The following TBCD variants were observed in gnomAD, a reference collection of about 807,000 sequenced individuals.
TBCD encodes the protein tubulin folding cofactor D.
Under a neutral mutation model 169.3 loss-of-function variants are expected in TBCD, and 105 were observed. That is an observed-to-expected ratio of 0.62 (90% CI 0.53 to 0.73). The LOEUF (loss-of-function observed/expected upper bound fraction) is 0.73. Ranked by LOEUF, TBCD falls within the 30% of genes least tolerant of loss-of-function variation. The probability of loss-of-function intolerance (pLI) is 0.00; values close to 1 mark genes in which losing one functional copy is unlikely to be tolerated. For missense variants in TBCD, 1,444 were observed against 1,600.1 expected (o/e 0.90, Z 1.66); for synonymous variants, 700 against 643.9 (o/e 1.09, Z -1.32).
intron 13 of TBCD, chr17:82,830,490 C>G: frequency 6.2e-7 from 1 of 1,613,222 alleles, no homozygotes; most frequent in South Asian, 1.1e-5. Flanking sequence ...TGGGTGGGGC[C>G]CCGTCACCGT....
intron 29 of TBCD, 26 bp downstream of exon 29, chr17:82,927,349 C>T (rs752809353): frequency 1.9e-6 from 3 of 1,607,450 alleles, no homozygotes; most frequent in African/African-American, 2.7e-5. Context: ...TGGGTGAGCG[C>T]TTCTTCTGAG....
chr17:82,812,648 C>T (rs1168873804), intron 12 of TBCD, among the ~76,000 whole-genome samples: 2 of 152,192 alleles, frequency 1.3e-5, no homozygotes, highest in Non-Finnish European at 2.9e-5. Flanking sequence ...GGGTTCAAGC[C>T]ATTCCCCTGC....
Position 82,815,102 on chromosome 17 carries a change from C to T in TBCD, c.1318+168C>T, listed in dbSNP as rs149594593. On this transcript the variant is annotated intron_variant, in intron 13 of 38. Coordinates refer to ENST00000355528, the MANE Select transcript of TBCD (RefSeq NM_005993.5). Reference sequence around the variant, plus strand: ...GCAGCCCTTCGTCTGAACCCATCTCCGCGGTGTGGCCCTGCCGCGGGCACG... The same window carrying T: ...GCAGCCCTTCGTCTGAACCCATCTCTGCGGTGTGGCCCTGCCGCGGGCACG... 3.1e-3 allele frequency among the ~76,000 whole-genome samples: 479 copies of T among 152,300 alleles called. 1 individual carries two copies. The highest frequency in any genetic ancestry group is 0.011 in the African/African-American group (445 of 41,568).
chr17:82,936,176 C>T (rs2062607336), intron 34 of TBCD, among the ~76,000 whole-genome samples: 1 of 152,220 alleles, frequency 6.6e-6, no homozygotes, highest in South Asian at 2.1e-4. Context: ...CTGCAATTTT[C>T]ACACGTCTTT....
rs796067798 is a variant in TBCD, at chr17:82,845,497, C to T, written c.1319-24727C>T. On this transcript the variant is annotated intron_variant, in intron 13 of 38. Transcript: ENST00000355528. ...TCCTCTCCGTCTGTCCTGTCCGGCC[C>T]GGCCCCTTCCTCTCCGTCCTGTCCA... Among the ~76,000 whole-genome samples, 9 of 130,762 alleles carry T rather than the reference C, an allele frequency of 6.9e-5. No homozygotes were observed. The South Asian group carries it at 1.8e-3, about 26-fold the overall frequency. The allele number at this position is 130,762 out of a possible 152,430, so 85.8% of individuals were successfully genotyped here. A position where few individuals can be genotyped will look rare whatever the true frequency, so the allele number is the denominator to read the frequency against.
chr17:82,815,739 A>G (rs2051841845), intron 13 of TBCD, among the ~76,000 whole-genome samples: 1 of 152,132 alleles, frequency 6.6e-6, no homozygotes, highest in South Asian at 2.1e-4. Flanking sequence ...GACACCTGAG[A>G]TGTGGTGGCC....
chr17:82,796,734 C>T (rs1398913530), intron 7 of TBCD, among the ~76,000 whole-genome samples: 2 of 152,204 alleles, frequency 1.3e-5, no homozygotes, highest in East Asian at 3.8e-4. Context: ...AGCCCCCCAG[C>T]GGGCTCCATG....
In TBCD at chr17:82,916,307, C is replaced by T. The variant is rs148362273; in HGVS notation, c.2039-4249C>T. The stretch of plus-strand genomic sequence containing the variant: ...TGCTCAGGCTGGAGTCACAGTGGCG[C>T]GATCTCGGCTCACTGCAGCCTCCAT... On this transcript the variant is annotated intron_variant, in intron 23 of 38. Coordinates refer to ENST00000355528, the MANE Select transcript of TBCD (RefSeq NM_005993.5). Among the ~76,000 whole-genome samples, 769 of 152,202 alleles carry T rather than the reference C, an allele frequency of 5.1e-3. 4 individuals carry two copies. Among genetic ancestry groups the T allele is most frequent in the Non-Finnish European group, 7.5e-3 (511 of 68,006 alleles).
chr17:82,758,483 C>G (rs2047562582), intron 2 of TBCD, among the ~76,000 whole-genome samples: 1 of 143,988 alleles, frequency 6.9e-6, no homozygotes, highest in East Asian at 2.0e-4. Context: ...CCTCTGGGTT[C>G]AAGCGGTTCA....
intron 13 of TBCD, chr17:82,858,734 G>T (rs2056518400): frequency 1.5e-5 from 13 of 852,672 alleles, no homozygotes; most frequent in Non-Finnish European, 1.7e-5. Context: ...ATGGAAAATC[G>T]ACTGAGTGTG....
chr17:82,821,662 A>C (rs867713587), intron 13 of TBCD, among the ~76,000 whole-genome samples: 4 of 152,112 alleles, frequency 2.6e-5, no homozygotes, highest in African/African-American at 4.8e-5. Context: ...CTGTCACCCC[A>C]TGTCTTATAA....
intron 13 of TBCD, among the ~76,000 whole-genome samples, chr17:82,848,192 G>A (rs1055895671): frequency 3.3e-5 from 5 of 152,140 alleles, no homozygotes; most frequent in Admixed American, 1.3e-4. Flanking sequence ...CAACACCTTC[G>A]CCCTGAGCGG....
chr17:82,910,482 C>T (rs904721829), intron 22 of TBCD, among the ~76,000 whole-genome samples: 1 of 152,154 alleles, frequency 6.6e-6, no homozygotes, highest in Admixed American at 6.5e-5. Flanking sequence ...TAGAACTCTT[C>T]ATATATTCCA....
At chr17:82,817,072 TAA>T (rs2051980903) in intron 13 of TBCD, among the ~76,000 whole-genome samples, 1 of 152,224 alleles carries the variant, frequency 6.6e-6, no homozygotes, top group Admixed American at 6.5e-5. Context: ...ATTCTGGATA[TAA>T]GTCTCTTATT....
intron 34 of TBCD, among the ~76,000 whole-genome samples, chr17:82,933,471 C>T (rs534974094): frequency 3.3e-5 from 5 of 152,140 alleles, no homozygotes; most frequent in Admixed American, 6.5e-5. Flanking sequence ...CCAGGCTGGT[C>T]TTGAACTCCT....
At chr17:82,893,343 G>T in intron 16 of TBCD, 2 of 564,892 alleles carry the variant, frequency 3.5e-6, no homozygotes, top group Non-Finnish European at 6.3e-6. Flanking sequence ...ATTTAGCGTG[G>T]TGTTGCCTGG....
At chr17:82,894,154 A>G (rs1392825644) in intron 17 of TBCD, among the ~76,000 whole-genome samples, 1 of 52,464 alleles carries the variant, frequency 1.9e-5, no homozygotes, top group African/African-American at 1.3e-4. Context: ...GAAATGAGTA[A>G]GAGGTATTTT....
Position 82,831,393 on chromosome 17 carries a change from G to A in TBCD, c.1318+16459G>A, listed in dbSNP as rs34188981. The A allele has an allele frequency of 0.024, 38,068 of 1,614,108 alleles. 789 individuals are homozygous for A. The highest frequency in any genetic ancestry group is 0.11 in the African/African-American group (8,067 of 75,002). On this transcript the variant is annotated intron_variant, in intron 13 of 38. Transcript: ENST00000355528. The surrounding 1 kb of genome is among the most constrained non-coding windows in gnomAD (Gnocchi z 4.6). ...AAGGACTCGAGGCTGGATAGACCAGGGTGGCTTCTTCAAGCAGGTGAGAGC... is the reference window on the plus strand; with the variant it reads ...AAGGACTCGAGGCTGGATAGACCAGAGTGGCTTCTTCAAGCAGGTGAGAGC...
At chr17:82,866,893 G>T (rs185458751) in intron 13 of TBCD, among the ~76,000 whole-genome samples, 1 of 152,346 alleles carries the variant, frequency 6.6e-6, no homozygotes, top group Middle Eastern at 3.4e-3. Flanking sequence ...AGAGGAGTGC[G>T]CCAGGTGGGC....
Sources: allele counts gnomAD v4.1 joint callset (sites outside exome capture counted in the v4.1 genomes callset), GRCh38; gene constraint gnomAD v4.1.1; non-coding constraint Gnocchi (gnomAD v3.1); transcripts MANE v1.5; gene names NCBI Gene and HGNC (gene_info 2026-07-23, HGNC 2026-07-21).